FAT4: variants seen among roughly 807,000 people sequenced by gnomAD.
FAT4 encodes the protein protocadherin Fat 4.
In FAT4, 84 loss-of-function variants were observed where a neutral mutation model predicts 303.9. The ratio of observed to expected loss-of-function variants is 0.28; its 90% confidence interval spans 0.23 to 0.33. The LOEUF is 0.33. FAT4 is among the 10% of genes least tolerant of loss of function. The pLI, the probability that FAT4 is intolerant of heterozygous loss-of-function variation, is 1.00. For missense variants in FAT4, 6,005 were observed against 6,146.8 expected (o/e 0.98, Z 0.77); for synonymous variants, 2,307 against 2,298.8 (o/e 1.00, Z -0.10).
At chr4:125,341,556 T>A (rs770157074) in intron 2 of FAT4, among the ~76,000 whole-genome samples, 2 of 152,086 alleles carry the variant, frequency 1.3e-5, no homozygotes, top group Non-Finnish European at 2.9e-5. Flanking sequence ...TTAGGATTCA[T>A]CATATGCTGA....
chr4:125,416,823 G>T (rs943233703), intron 7 of FAT4, among the ~76,000 whole-genome samples: 1 of 151,962 alleles, frequency 6.6e-6, no homozygotes, highest in East Asian at 1.9e-4. Flanking sequence ...GTGCGTGCCT[G>T]TAATCCCAGC....
intron 7 of FAT4, among the ~76,000 whole-genome samples, chr4:125,426,090 G>T (rs985993326): frequency 1.3e-5 from 2 of 152,026 alleles, no homozygotes; most frequent in African/African-American, 4.8e-5. Flanking sequence ...TTGAATTGTT[G>T]TCTGTCACAT....
intron 7 of FAT4, among the ~76,000 whole-genome samples, chr4:125,419,102 A>G (rs971760743): frequency 1.3e-5 from 2 of 152,172 alleles, no homozygotes; most frequent in Non-Finnish European, 2.9e-5. Flanking sequence ...CAACTTTACT[A>G]TTCCTTCATG....
chr4:125,413,941 T>C (rs181175842), intron 5 of FAT4, among the ~76,000 whole-genome samples: 1 of 152,126 alleles, frequency 6.6e-6, no homozygotes, highest in East Asian at 1.9e-4. Flanking sequence ...TACATCTTTA[T>C]TAAAGATAGA....
intron 7 of FAT4, among the ~76,000 whole-genome samples, chr4:125,427,991 T>C (rs759064756): frequency 3.7e-4 from 56 of 152,164 alleles, no homozygotes; most frequent in Non-Finnish European, 6.5e-4. Context: ...ACTTTTTTCT[T>C]TTTTCAAATC....
At chr4:125,411,812 T>G (rs999585466) in intron 5 of FAT4, among the ~76,000 whole-genome samples, 1 of 143,228 alleles carries the variant, frequency 7.0e-6, no homozygotes, top group African/African-American at 2.5e-5. Context: ...TGAAATACTA[T>G]ATATAGATAT....
chr4:125,317,985 T>G lies in FAT4; in HGVS notation c.1574T>G (p.Ile525Ser). ...GGCAATGGACTGGGATGGTTCCATA[T>G]CAGTGAACATAGCGGCCTCGTGACC... is the stretch of plus-strand genomic sequence containing the variant. ...VSGNGLGWFHISEHSGLVTTG... is the reference protein window; with the variant it reads ...VSGNGLGWFHSSEHSGLVTTG... The change falls in exon 2 of 18, where the codon ATC becomes AGC. Residue 525 changes from isoleucine (I) to serine (S), a missense_variant. Ile to Ser is a moderately radical substitution (Grantham distance 142, BLOSUM62 -2). Transcript: ENST00000394329. This position sits in a 1 kb window ranked among gnomAD's most constrained non-coding sequence, Gnocchi z 7.0. 6.2e-6 allele frequency: 10 copies of G among 1,614,172 alleles called. No individual in the cohort carries two copies. The highest frequency in any genetic ancestry group is 8.5e-6 in the Non-Finnish European group (10 of 1,180,042).
At chr4:125,326,448 G>C (rs979814347) in intron 2 of FAT4, among the ~76,000 whole-genome samples, 1 of 151,996 alleles carries the variant, frequency 6.6e-6, no homozygotes, top group Non-Finnish European at 1.5e-5. Flanking sequence ...TAAGTGCATA[G>C]TGATAAGTGC....
chr4:125,487,199 G>C (rs17009816), intron 16 of FAT4, 146 bp from the exon 17 acceptor site: 1 of 618,972 alleles, frequency 1.6e-6, no homozygotes, highest in Non-Finnish European at 2.6e-6. Context: ...TAGAGACAAA[G>C]TGTGTAAGTA....
chr4:125,326,956 C>T (rs865850904), intron 2 of FAT4, among the ~76,000 whole-genome samples: 31 of 152,112 alleles, frequency 2.0e-4, no homozygotes, highest in African/African-American at 6.3e-4. Flanking sequence ...ACCCTGGGAG[C>T]AGAGGCTGCA....
chr4:125,406,759 A>C (rs564548207), intron 3 of FAT4, 121 bp from the exon 4 acceptor site: 1 of 1,073,536 alleles, frequency 9.3e-7, no homozygotes, highest in African/African-American at 1.6e-5. Flanking sequence ...TTTAAGTCTT[A>C]TAATATCATA....
chr4:125,450,715 A>T lies in FAT4; in HGVS notation c.9705A>T (p.Val3235=). The T allele has an allele frequency of 6.2e-7, 1 of 1,614,104 alleles. No individual in the cohort carries two copies. Among genetic ancestry groups the T allele is most frequent in the Non-Finnish European group, 8.5e-7 (1 of 1,179,978 alleles). The change falls in exon 10 of 18, where the codon GTA becomes GTT. Residue 3235 remains valine (V), a synonymous_variant. Transcript: ENST00000394329. ...CAAATGCTGTGATTGCGTATACTGT[A>T]CAGTCATCTGACAGTGACCTCTTTG... ...SGTNAVIAYT[V]QSSDSDLFVI...
intron 2 of FAT4, among the ~76,000 whole-genome samples, chr4:125,328,329 C>A (rs1391113888): frequency 6.6e-6 from 1 of 152,088 alleles, no homozygotes; most frequent in East Asian, 1.9e-4. Flanking sequence ...GTTGGCTTTT[C>A]TTTGCTCTTA....
chr4:125,397,863 G>T (rs1293637635), intron 2 of FAT4, among the ~76,000 whole-genome samples: 2 of 152,024 alleles, frequency 1.3e-5, no homozygotes, highest in African/African-American at 2.4e-5. Context: ...AATTATAAAA[G>T]ATGACATTTT....
At chr4:125,373,550 G>A (rs546570000) in intron 2 of FAT4, among the ~76,000 whole-genome samples, 24 of 152,170 alleles carry the variant, frequency 1.6e-4, no homozygotes, top group East Asian at 1.2e-3. Flanking sequence ...TTTGTGTTCC[G>A]TTGGTAACAA....
intron 9 of FAT4, among the ~76,000 whole-genome samples, chr4:125,447,841 A>G (rs1452183698): frequency 6.6e-6 from 1 of 152,048 alleles, no homozygotes; most frequent in Non-Finnish European, 1.5e-5. Context: ...CTTTACAATT[A>G]TTTTAATTGG....
rs2126098198 is a variant in FAT4 at position 125,491,279 on chromosome 4, C to T, written c.14463C>T (p.Cys4821=). The T allele has an allele frequency of 6.2e-7, 1 of 1,614,118 alleles. No individual in the cohort carries two copies. Among genetic ancestry groups the T allele is most frequent in the Non-Finnish European group, 8.5e-7 (1 of 1,180,026 alleles). Reference sequence around the variant, plus strand: ...GGAGGTCTTCTTCAGAGGAGGACTGCAGAAGGCCACTGTCTAGAACAAGGA... The same window carrying T: ...GGAGGTCTTCTTCAGAGGAGGACTGTAGAAGGCCACTGTCTAGAACAAGGA... ...DHGRSSSEED[C]RRPLSRTRNP... The change falls in exon 18 of 18, where the codon TGC becomes TGT. Residue 4821 remains cysteine (C), a synonymous_variant. Coordinates refer to ENST00000394329, the MANE Select transcript of FAT4 (RefSeq NM_001291303.3).
At chr4:125,484,028 T>C (rs968176608) in intron 16 of FAT4, among the ~76,000 whole-genome samples, 4 of 125,972 alleles carry the variant, frequency 3.2e-5, no homozygotes. Context: ...CTCTTTTCTA[T>C]CATTCTTTCT....
chr4:125,369,976 G>A (rs566458322), intron 2 of FAT4, among the ~76,000 whole-genome samples: 204 of 151,966 alleles, frequency 1.3e-3, no homozygotes, highest in African/African-American at 4.6e-3. Flanking sequence ...AGACCGAATA[G>A]TATTCCATTG....
Sources: allele counts gnomAD v4.1 joint callset (sites outside exome capture counted in the v4.1 genomes callset), GRCh38; gene constraint gnomAD v4.1.1; non-coding constraint Gnocchi (gnomAD v3.1); transcripts MANE v1.5; gene names NCBI Gene and HGNC (gene_info 2026-07-23, HGNC 2026-07-21).